Variants in FBXW11 observed in about 807,000 individuals in gnomAD.
FBXW11 encodes the protein F-box/WD repeat-containing protein 11.
A neutral mutation model predicts 77.6 loss-of-function variants in FBXW11; 19 were observed. The observed-to-expected ratio is 0.24, with a 90% confidence interval of 0.17 to 0.36. The LOEUF is 0.36. FBXW11 is among the 10% of genes least tolerant of loss of function. The pLI is 1.00. For missense variants in FBXW11, 334 were observed against 704.2 expected, an observed-to-expected ratio of 0.47 and a Z score of 5.95; for synonymous variants, 235 against 249.4, an observed-to-expected ratio of 0.94 and a Z score of 0.54.
intron 1 of FBXW11, among the ~76,000 whole-genome samples, chr5:171,962,958 T>G (rs1763986180): frequency 6.6e-6 from 1 of 152,084 alleles, no homozygotes; most frequent in African/African-American, 2.4e-5. Flanking sequence ...TTTCTATAAC[T>G]CCCCCCACCA....
chr5:171,922,186 AAAACTG>A (rs1247412819), intron 2 of FBXW11, among the ~76,000 whole-genome samples: 6 of 152,214 alleles, frequency 3.9e-5, no homozygotes, highest in Non-Finnish European at 8.8e-5. Flanking sequence ...GCATTTTGTA[AAAACTG>A]ATATAGGTCA....
intron 7 of FBXW11, among the ~76,000 whole-genome samples, chr5:171,880,028 C>A (rs1758397007): frequency 6.6e-6 from 1 of 152,112 alleles, no homozygotes; most frequent in South Asian, 2.1e-4. Flanking sequence ...CATCTAGATT[C>A]TCTCCTATGT....
intron 7 of FBXW11, among the ~76,000 whole-genome samples, chr5:171,887,796 TACAGGTGCCCACC>T (rs1759018705): frequency 1.3e-5 from 2 of 152,232 alleles, no homozygotes; most frequent in Admixed American, 6.5e-5. Context: ...TATCTGGGAT[TACAGGTGCCCACC>T]ACCACGCCCA....
intron 2 of FBXW11, among the ~76,000 whole-genome samples, chr5:171,919,816 A>G (rs1048971641): frequency 5.3e-5 from 8 of 152,158 alleles, no homozygotes; most frequent in Non-Finnish European, 1.5e-5. Context: ...TTTGCAGCAC[A>G]ATGAAGATCC....
At chr5:171,936,315 G>A (rs1762479882) in intron 2 of FBXW11, among the ~76,000 whole-genome samples, 1 of 151,376 alleles carries the variant, frequency 6.6e-6, no homozygotes, top group South Asian at 2.1e-4. Flanking sequence ...AACACAGCAA[G>A]ACCCATCTCT....
chr5:171,975,004 G>A (rs1461993555), intron 1 of FBXW11, among the ~76,000 whole-genome samples: 1 of 152,136 alleles, frequency 6.6e-6, no homozygotes, highest in Admixed American at 6.5e-5. Flanking sequence ...GTGTTGGTCA[G>A]GCTAGTCTCG....
intron 2 of FBXW11, among the ~76,000 whole-genome samples, chr5:171,919,759 CTG>C (rs1328208646): frequency 6.6e-6 from 1 of 152,206 alleles, no homozygotes; most frequent in Non-Finnish European, 1.5e-5. Flanking sequence ...AAGCTAGACT[CTG>C]TAAGACACTA....
chr5:171,872,796 A>G (rs1757835787), intron 10 of FBXW11, 76 bp downstream of exon 10: 1 of 1,026,126 alleles, frequency 9.7e-7, no homozygotes, highest in Non-Finnish European at 1.5e-6. Flanking sequence ...AGTTGTTTTG[A>G]GCATTAGAAC....
rs70982360 is a variant in FBXW11, at chr5:171,972,502, T to TAAAAAAAA, written c.46-14812_46-14805dup. The stretch of plus-strand genomic sequence containing the variant: ...GGCAACAGAGTGAGACTCTGTCTCA[T>TAAAAAAAA]AAAAAAAAAAAAAAAAAAAAAAAAA... On this transcript the variant is annotated intron_variant, in intron 1 of 13. Transcript: ENST00000517395. 1.0e-3 allele frequency among the ~76,000 whole-genome samples: 50 copies of TAAAAAAAA among 48,218 alleles called. 2 individuals are homozygous for TAAAAAAAA. The highest frequency in any genetic ancestry group is 4.7e-3 in the African/African-American group (48 of 10,164). The allele number at this position is 48,218 out of a possible 152,430, so 31.6% of individuals were successfully genotyped here.
chr5:171,955,574 G>C (rs1763565047), intron 2 of FBXW11, among the ~76,000 whole-genome samples: 1 of 152,148 alleles, frequency 6.6e-6, no homozygotes, highest in South Asian at 2.1e-4. Flanking sequence ...ATACTTAAAT[G>C]AGTACAGAGG....
At chr5:171,911,152 C>T (rs995935145) in intron 3 of FBXW11, among the ~76,000 whole-genome samples, 3 of 152,146 alleles carry the variant, frequency 2.0e-5, no homozygotes, top group African/African-American at 7.2e-5. Context: ...TGGAGATAAC[C>T]ATCTTAGAGA....
At chr5:171,929,409 TGAA>T (rs1214440210) in intron 2 of FBXW11, among the ~76,000 whole-genome samples, 2 of 151,916 alleles carry the variant, frequency 1.3e-5, no homozygotes, top group African/African-American at 4.8e-5. Flanking sequence ...TTTAAAAAAT[TGAA>T]AATTCGTGAA....
intron 1 of FBXW11, among the ~76,000 whole-genome samples, chr5:171,975,424 C>T (rs1344227464): frequency 1.3e-5 from 2 of 152,152 alleles, no homozygotes; most frequent in African/African-American, 4.8e-5. Flanking sequence ...TGCTCCTGAG[C>T]CTCAGGCTCT....
intron 4 of FBXW11, among the ~76,000 whole-genome samples, chr5:171,905,517 G>A (rs997194517): frequency 6.6e-6 from 1 of 151,858 alleles, no homozygotes; most frequent in African/African-American, 2.4e-5. Flanking sequence ...CAATGGACAA[G>A]GCCGATACAC....
chr5:171,965,661 G>A (rs934965734), intron 1 of FBXW11, among the ~76,000 whole-genome samples: 3 of 151,734 alleles, frequency 2.0e-5, no homozygotes, highest in Non-Finnish European at 4.4e-5. Flanking sequence ...CATATTTTCC[G>A]ATTTTTCTCC....
chr5:171,942,562 G>A (rs58406310), intron 2 of FBXW11, among the ~76,000 whole-genome samples: 2,090 of 152,270 alleles, frequency 0.014, 44 homozygotes, highest in African/African-American at 0.047. Flanking sequence ...CACTTTGGGA[G>A]GCCAAAGCAG....
chr5:171,954,180 T>C (rs1353574623), intron 2 of FBXW11, among the ~76,000 whole-genome samples: 1 of 152,224 alleles, frequency 6.6e-6, no homozygotes, highest in Non-Finnish European at 1.5e-5. Flanking sequence ...ACTCCAAAAA[T>C]TAAGGGGAAT....
rs1468431463 is a variant in FBXW11 at position 171,957,479 on chromosome 5, G to A, written c.147+118C>T. ...GGGGCACCCAGGCTGGAGGAAAGCA[G>A]AGGGTTACACAGAACATTTAGCAGA... On this transcript the variant is annotated intron_variant, in intron 2 of 13. Transcript: ENST00000517395. 3 of 970,962 alleles carry A rather than the reference G, an allele frequency of 3.1e-6. 1 individual carries two copies. The highest frequency in any genetic ancestry group is 2.4e-5 in the East Asian group (1 of 41,036). The allele number at this position is 970,962 out of a possible 1,614,324, so 60.1% of individuals were successfully genotyped here. A position where few individuals can be genotyped will look rare whatever the true frequency, so the allele number is the denominator to read the frequency against.
intron 1 of FBXW11, among the ~76,000 whole-genome samples, chr5:171,988,032 T>C (rs534546931): frequency 6.6e-6 from 1 of 152,312 alleles, no homozygotes; most frequent in Non-Finnish European, 1.5e-5. Flanking sequence ...GGGGCCATGA[T>C]ACCGACAAGG....
Sources: allele counts gnomAD v4.1 joint callset (sites outside exome capture counted in the v4.1 genomes callset), GRCh38; gene constraint gnomAD v4.1.1; transcripts MANE v1.5; gene names NCBI Gene and HGNC (gene_info 2026-07-23, HGNC 2026-07-21).